OTUD7A: variants seen among roughly 807,000 people sequenced by gnomAD.
The protein encoded by OTUD7A is OTU deubiquitinase 7A, also known as OTU domain-containing protein 7A.
Under a neutral mutation model 65.7 loss-of-function variants are expected in OTUD7A, and 12 were observed. The ratio of observed to expected loss-of-function variants is 0.18; its 90% CI spans 0.12 to 0.30. The LOEUF (loss-of-function observed/expected upper bound fraction) is 0.30, where lower values mean the gene tolerates loss of function less well. OTUD7A is among the 10% of genes least tolerant of loss of function. The probability of loss-of-function intolerance (pLI) is 1.00; values close to 1 mark genes in which losing one functional copy is unlikely to be tolerated. For missense variants in OTUD7A, 1,148 were observed against 1,304.8 expected, an observed-to-expected ratio of 0.88 and a Z score of 1.85; for synonymous variants, 641 against 586.3, an observed-to-expected ratio of 1.09 and a Z score of -1.35.
intron 1 of OTUD7A, among the ~76,000 whole-genome samples, chr15:31,788,587 A>G (rs1288349729): frequency 6.6e-6 from 1 of 152,230 alleles, no homozygotes; most frequent in Non-Finnish European, 1.5e-5. Context: ...ACCGTCAAGT[A>G]GCCCATCTTG....
chr15:31,487,776 G>A lies in OTUD7A; in HGVS notation c.1172-210C>T, dbSNP rs2041259581. On this transcript the variant is annotated intron_variant, in intron 10 of 12. Transcript: ENST00000307050. The surrounding 1 kb of genome is among the most constrained non-coding windows in gnomAD (Gnocchi z 6.0). Reference sequence around the variant, plus strand: ...CGGACAGTGGAGAGCAGTTGGAAGCGTCACCTGGACCCTGGCTCTCTTTGG... The same window carrying A: ...CGGACAGTGGAGAGCAGTTGGAAGCATCACCTGGACCCTGGCTCTCTTTGG... 2.0e-5 allele frequency among the ~76,000 whole-genome samples: 3 copies of A among 152,216 alleles called. No homozygotes were observed. Among genetic ancestry groups the A allele is most frequent in the South Asian group, 2.1e-4 (1 of 4,826 alleles).
At chr15:31,655,313 T>C in intron 2 of OTUD7A, 63 bp from the exon 3 acceptor site, 2 of 712,742 alleles carry the variant, frequency 2.8e-6, no homozygotes, top group African/African-American at 1.9e-5. Flanking sequence ...AAGTGACAAC[T>C]ACATGCAGAG....
At chr15:31,665,476 G>A (rs1231738117) in intron 1 of OTUD7A, among the ~76,000 whole-genome samples, 1 of 152,186 alleles carries the variant, frequency 6.6e-6, no homozygotes, top group African/African-American at 2.4e-5. Flanking sequence ...CTCTCCTGGT[G>A]TATAGAAGAG....
chr15:31,536,299 A>C (rs1422219886), intron 5 of OTUD7A, among the ~76,000 whole-genome samples: 1 of 152,188 alleles, frequency 6.6e-6, no homozygotes, highest in Non-Finnish European at 1.5e-5. Context: ...CTTACATGTC[A>C]CTTCTTGGAT....
At chr15:31,538,778 G>C (rs1887889533) in intron 5 of OTUD7A, among the ~76,000 whole-genome samples, 1 of 152,116 alleles carries the variant, frequency 6.6e-6, no homozygotes, top group African/African-American at 2.4e-5. Flanking sequence ...ATTTGCACCA[G>C]CAGGTTCCTT....
chr15:31,614,010 T>C (rs1379658692), intron 3 of OTUD7A, among the ~76,000 whole-genome samples: 1 of 152,120 alleles, frequency 6.6e-6, no homozygotes, highest in East Asian at 1.9e-4. Context: ...GCAACCTGGA[T>C]AAGATTGGAG....
chr15:31,717,740 C>T (rs1002252451), intron 1 of OTUD7A, among the ~76,000 whole-genome samples: 1 of 152,118 alleles, frequency 6.6e-6, no homozygotes, highest in Non-Finnish European at 1.5e-5. Context: ...ATTTATATAC[C>T]TTTGGGTATA....
chr15:31,855,002 T>C (rs1897531426), intron 1 of OTUD7A, among the ~76,000 whole-genome samples: 1 of 152,002 alleles, frequency 6.6e-6, no homozygotes, highest in South Asian at 2.1e-4. Flanking sequence ...TGGAGAAGAA[T>C]ATGAAATATC....
intron 1 of OTUD7A, among the ~76,000 whole-genome samples, chr15:31,757,799 A>G (rs556640078): frequency 5.3e-5 from 8 of 152,366 alleles, no homozygotes; most frequent in African/African-American, 1.4e-4. Flanking sequence ...AAATAATTCT[A>G]TAGAATTCTT....
chr15:31,659,455 C>T (rs186051535), intron 1 of OTUD7A, among the ~76,000 whole-genome samples: 4 of 152,336 alleles, frequency 2.6e-5, no homozygotes, highest in African/African-American at 9.6e-5. Flanking sequence ...GCACCTGCCA[C>T]TGCTGCAGAA....
intron 3 of OTUD7A, among the ~76,000 whole-genome samples, chr15:31,619,761 C>A: frequency 6.6e-6 from 1 of 152,086 alleles, no homozygotes; most frequent in Non-Finnish European, 1.5e-5. Context: ...CCCTTTATTT[C>A]TTTCTCCTGC....
intron 1 of OTUD7A, among the ~76,000 whole-genome samples, chr15:31,762,297 T>C (rs1595752414): frequency 6.6e-6 from 1 of 152,214 alleles, no homozygotes; most frequent in East Asian, 1.9e-4. Context: ...ACAGGAGCTG[T>C]GGTCTCAAGG....
intron 1 of OTUD7A, among the ~76,000 whole-genome samples, chr15:31,799,923 T>G (rs1896073562): frequency 6.6e-6 from 1 of 152,094 alleles, no homozygotes; most frequent in Non-Finnish European, 1.5e-5. Flanking sequence ...TCTCTTCACA[T>G]GCAACCCAAA....
intron 1 of OTUD7A, among the ~76,000 whole-genome samples, chr15:31,812,081 C>G (rs1043040558): frequency 2.6e-5 from 4 of 152,212 alleles, no homozygotes; most frequent in African/African-American, 9.6e-5. Context: ...GTGGAAGCAG[C>G]AGGGGTTGAG....
At chr15:31,687,857 G>A (rs534357174) in intron 1 of OTUD7A, among the ~76,000 whole-genome samples, 16 of 152,328 alleles carry the variant, frequency 1.1e-4, no homozygotes, top group African/African-American at 3.8e-4. Context: ...AGCCAGGGAA[G>A]AGAATGTTCA....
chr15:31,858,754 C>T (rs947760585), intron 1 of OTUD7A, among the ~76,000 whole-genome samples: 4 of 152,214 alleles, frequency 2.6e-5, no homozygotes, highest in Non-Finnish European at 2.9e-5. Context: ...CTGGGCTAGC[C>T]GCTGTGTTAG....
intron 1 of OTUD7A, among the ~76,000 whole-genome samples, chr15:31,809,537 T>C (rs1896367911): frequency 6.6e-6 from 1 of 152,182 alleles, no homozygotes; most frequent in African/African-American, 2.4e-5. Flanking sequence ...AGCATAAACC[T>C]GCCCAGCAGA....
At chr15:31,807,083 T>A (rs985242263) in intron 1 of OTUD7A, among the ~76,000 whole-genome samples, 2 of 152,250 alleles carry the variant, frequency 1.3e-5, no homozygotes, top group African/African-American at 4.8e-5. Flanking sequence ...ATCTGTTCAA[T>A]TCTCCCTTAT....
chr15:31,557,676 G>C (rs6493777), intron 5 of OTUD7A: 9,601 of 152,188 alleles, frequency 0.063, 1,015 homozygotes, highest in African/African-American at 0.22. Flanking sequence ...CCACTCCTTG[G>C]AAAGCAGTCC....
Sources: allele counts gnomAD v4.1 joint callset (sites outside exome capture counted in the v4.1 genomes callset), GRCh38; gene constraint gnomAD v4.1.1; non-coding constraint Gnocchi (gnomAD v3.1); transcripts MANE v1.5; gene names NCBI Gene and HGNC (gene_info 2026-07-23, HGNC 2026-07-21).